Variants in NRXN1 observed in about 807,000 individuals in gnomAD.
NRXN1 encodes neurexin 1, also known as neurexin-1.
NRXN1 carries 39 observed loss-of-function variants against 150.9 expected under a neutral mutation model. The observed-to-expected ratio is 0.26, with a 90% CI of 0.20 to 0.34. The LOEUF (loss-of-function observed/expected upper bound fraction) is 0.34, where lower values mean the gene tolerates loss of function less well. Ranked by LOEUF, NRXN1 falls within the 10% of genes least tolerant of loss-of-function variation. The pLI, the probability that NRXN1 is intolerant of heterozygous loss-of-function variation, is 1.00. For missense variants in NRXN1, 1,815 were observed against 1,949.9 expected (o/e 0.93, Z 1.30); for synonymous variants, 924 against 757.0 (o/e 1.22, Z -3.62).
At chr2:50,065,574 A>G (rs1355379269) in intron 19 of NRXN1, among the ~76,000 whole-genome samples, 1 of 152,206 alleles carries the variant, frequency 6.6e-6, no homozygotes, top group African/African-American at 2.4e-5. Flanking sequence ...GGATAATTTT[A>G]TCATCTCCAT....
chr2:50,015,003 T>C (rs957036916), intron 21 of NRXN1, among the ~76,000 whole-genome samples: 1 of 152,186 alleles, frequency 6.6e-6, no homozygotes, highest in Non-Finnish European at 1.5e-5. Context: ...CCTATTTCAG[T>C]GGTATGTTCT....
chr2:50,641,246 A>C (rs960840369), intron 5 of NRXN1, among the ~76,000 whole-genome samples: 6 of 152,028 alleles, frequency 3.9e-5, no homozygotes, highest in Non-Finnish European at 5.9e-5. Context: ...GCTTTAATAC[A>C]TTTTTGCTTG....
At chr2:50,459,928 T>C (rs1334384372) in intron 17 of NRXN1, among the ~76,000 whole-genome samples, 3 of 152,094 alleles carry the variant, frequency 2.0e-5, no homozygotes, top group Non-Finnish European at 4.4e-5. Context: ...ATTCTGCACC[T>C]GTTGTGTTGC....
intron 18 of NRXN1, among the ~76,000 whole-genome samples, chr2:50,204,561 G>T (rs2062427519): frequency 1.3e-5 from 2 of 151,914 alleles, no homozygotes; most frequent in Non-Finnish European, 2.9e-5. Context: ...CCTTTAGAAG[G>T]GGCCTTAAAA....
In NRXN1 at chr2:50,517,583, G is replaced by C. The variant is rs2092666101; in HGVS notation, c.2375-10966C>G. ...AGGATGGAATTTGGTAACCCCTACA[G>C]TTGGAGAACTTGAGTAACTCAGTTA... On this transcript the variant is annotated intron_variant, in intron 12 of 22. Transcript: ENST00000401669. Among the ~76,000 whole-genome samples the C allele has an allele frequency of 1.3e-5, 2 of 152,144 alleles. 1 individual carries two copies. Among genetic ancestry groups the C allele is most frequent in the South Asian group, 4.1e-4 (2 of 4,838 alleles).
intron 2 of NRXN1, among the ~76,000 whole-genome samples, chr2:51,017,496 C>T (rs1401778282): frequency 8.5e-6 from 1 of 118,328 alleles, no homozygotes; most frequent in African/African-American, 3.2e-5. Context: ...ATGGCCACCA[C>T]ATCTGGCTTT....
chr2:50,210,715 T>A lies in NRXN1; in HGVS notation c.3546+26074A>T, dbSNP rs1035850071. ...TTTGACTATGAATAAAAACCCTTTC[T>A]GCTGAATACATTTTAAAGCAGTAGT... On this transcript the variant is annotated intron_variant, in intron 18 of 22. Coordinates refer to ENST00000401669, the MANE Select transcript of NRXN1 (RefSeq NM_001330078.2). Among the ~76,000 whole-genome samples the A allele has an allele frequency of 2.6e-5, 4 of 151,778 alleles. No individual in the cohort carries two copies. In the South Asian group the frequency reaches 8.3e-4, roughly 31 times the overall value.
rs149071469 is a variant in NRXN1 at position 50,308,753 on chromosome 2, T to C, written c.3365-71783A>G. Among the ~76,000 whole-genome samples the C allele has an allele frequency of 2.2e-3, 331 of 152,294 alleles. 3 individuals are homozygous for C. Among genetic ancestry groups the C allele is most frequent in the African/African-American group, 7.6e-3 (318 of 41,574 alleles). On this transcript the variant is annotated intron_variant, in intron 17 of 22. Transcript: ENST00000401669. ...CACTTAGTGTTACGCTTTCCAGACA[T>C]TCATTTTCATTGACAGGCATCATAC...
rs1425496054 is a variant in NRXN1, at chr2:50,907,178, C to A, written c.832+14691G>T. 4.1e-5 allele frequency among the ~76,000 whole-genome samples: 6 copies of A among 147,488 alleles called. No individual in the cohort carries two copies. The South Asian group carries it at 1.3e-3, about 32-fold the overall frequency. ...ACAAAGAGAAGAATCTGAAAAAAAC[C>A]AAAAAACCAAAAAAAAAAACAAAAA... On this transcript the variant is annotated intron_variant, in intron 5 of 22. Coordinates refer to ENST00000401669, the MANE Select transcript of NRXN1 (RefSeq NM_001330078.2).
chr2:50,973,307 C>T (rs1427000789), intron 2 of NRXN1, among the ~76,000 whole-genome samples: 2 of 152,100 alleles, frequency 1.3e-5, no homozygotes, highest in Non-Finnish European at 2.9e-5. Context: ...AGAAAATGCT[C>T]AGAGAGGTGC....
At chr2:50,462,191 T>C (rs1056650096) in intron 17 of NRXN1, among the ~76,000 whole-genome samples, 11 of 152,008 alleles carry the variant, frequency 7.2e-5, no homozygotes, top group Admixed American at 5.9e-4. Flanking sequence ...ACTGGGCTTA[T>C]AAACCAAGAA....
At chr2:50,709,755 T>A (rs1694909319) in intron 5 of NRXN1, among the ~76,000 whole-genome samples, 1 of 152,184 alleles carries the variant, frequency 6.6e-6, no homozygotes, top group Non-Finnish European at 1.5e-5. Flanking sequence ...GCTTAAGGAA[T>A]GAACTATTCA....
At chr2:50,000,622 A>G (rs879202861) in intron 21 of NRXN1, among the ~76,000 whole-genome samples, 14 of 152,212 alleles carry the variant, frequency 9.2e-5, no homozygotes, top group Non-Finnish European at 1.9e-4. Context: ...CTGCATCAAC[A>G]TATTCCTAAA....
At chr2:50,500,202 G>C (rs1300390682) in intron 13 of NRXN1, among the ~76,000 whole-genome samples, 1 of 152,094 alleles carries the variant, frequency 6.6e-6, no homozygotes, top group African/African-American at 2.4e-5. Context: ...GGAAAGACCA[G>C]TTAATTCCAG....
chr2:50,914,531 G>GA (rs1384935758), intron 5 of NRXN1, among the ~76,000 whole-genome samples: 1 of 151,500 alleles, frequency 6.6e-6, no homozygotes, highest in Non-Finnish European at 1.5e-5. Flanking sequence ...GAGATAATTA[G>GA]AAAAATGTGA....
chr2:50,125,197 A>G (rs187293247), intron 18 of NRXN1, among the ~76,000 whole-genome samples: 1 of 152,296 alleles, frequency 6.6e-6, no homozygotes, highest in Admixed American at 6.5e-5. Context: ...AATTATTGAT[A>G]TGTAGAAAAT....
chr2:50,755,139 GA>G (rs1701024663), intron 5 of NRXN1, among the ~76,000 whole-genome samples: 2 of 151,702 alleles, frequency 1.3e-5, no homozygotes, highest in Non-Finnish European at 2.9e-5. Context: ...GCCTTCTTGA[GA>G]ACTGCTCCAC....
chr2:50,355,694 C>G (rs1572657492), intron 17 of NRXN1, among the ~76,000 whole-genome samples: 4 of 152,176 alleles, frequency 2.6e-5, no homozygotes, highest in African/African-American at 9.6e-5. Context: ...GGAAAAATTT[C>G]TGAACTCTGT....
At chr2:50,150,809 C>A (rs1269690954) in intron 18 of NRXN1, among the ~76,000 whole-genome samples, 5 of 151,670 alleles carry the variant, frequency 3.3e-5, no homozygotes, top group African/African-American at 9.7e-5. Context: ...TGACCATACA[C>A]CCCTGGCCAG....
Sources: gnomAD v4.1 joint callset for allele counts (sites outside exome capture counted in the v4.1 genomes callset) on GRCh38, gnomAD v4.1.1 for gene constraint, MANE v1.5 for transcripts, NCBI Gene and HGNC (gene_info 2026-07-23, HGNC 2026-07-21) for gene names.